MTMR12: variants seen among roughly 807,000 people sequenced by gnomAD.
MTMR12 encodes the protein myotubularin related protein 12.
In MTMR12, 33 loss-of-function variants were observed where a neutral mutation model predicts 96.7. The ratio of observed to expected loss-of-function variants is 0.34; its 90% CI spans 0.26 to 0.46. The LOEUF is 0.46. Ranked by LOEUF, MTMR12 falls within the 20% of genes least tolerant of loss-of-function variation. The pLI is 1.00. For missense variants in MTMR12, 721 were observed against 896.1 expected, an observed-to-expected ratio of 0.80 and a Z score of 2.49; for synonymous variants, 298 against 327.2, an observed-to-expected ratio of 0.91 and a Z score of 0.96.
At chr5:32,238,004 C>T (rs936090905) in intron 13 of MTMR12, among the ~76,000 whole-genome samples, 1 of 151,614 alleles carries the variant, frequency 6.6e-6, no homozygotes, top group African/African-American at 2.4e-5. Context: ...ATTCGCCAGG[C>T]ATGGTAGCGC....
rs761835955 is a variant in MTMR12, at chr5:32,233,890, G to A, written c.1557C>T (p.Leu519=). Residue 519 remains leucine (L), a synonymous_variant, in exon 15 of 16, where the codon CTC becomes CTT. Transcript: ENST00000382142. This position sits in a 1 kb window ranked among gnomAD's most constrained non-coding sequence, Gnocchi z 5.0. ...QDTQSKPLNL[L]TVWDWSVQFE... Reference sequence around the variant, plus strand: ...ACTGCACCGACCAATCCCACACGGTGAGCAGATTCAAAGGCTTGCTTTGTG... The same window carrying A: ...ACTGCACCGACCAATCCCACACGGTAAGCAGATTCAAAGGCTTGCTTTGTG... The A allele has an allele frequency of 6.2e-7, 1 of 1,614,184 alleles. No homozygotes were observed. The highest frequency in any genetic ancestry group is 8.5e-7 in the Non-Finnish European group (1 of 1,180,034).
At chr5:32,310,432 A>C (rs1260953656) in intron 1 of MTMR12, among the ~76,000 whole-genome samples, 3 of 152,256 alleles carry the variant, frequency 2.0e-5, no homozygotes, top group Non-Finnish European at 4.4e-5. Flanking sequence ...GAATAGATAA[A>C]GAAAATGTGG....
At chr5:32,252,805 G>C (rs1220465134) in intron 8 of MTMR12, among the ~76,000 whole-genome samples, 1 of 152,100 alleles carries the variant, frequency 6.6e-6, no homozygotes, top group Non-Finnish European at 1.5e-5. Context: ...TAAATATCTG[G>C]TTTAAGAGAA....
Position 32,229,838 on chromosome 5 carries a change from C to T in MTMR12, c.2184G>A (p.Leu728=). 22 of 1,594,530 alleles carry T rather than the reference C, an allele frequency of 1.4e-5. No homozygotes were observed. The highest frequency in any genetic ancestry group is 1.5e-5 in the Non-Finnish European group (18 of 1,170,940). ...GTTTGGCCAAATCGTCTTCATCTCC[C>T]AAAGCTTTCCAGCCACTGGTGGGTA... ...PVLPTSGWKA[L]GDEDDLAKRE... Residue 728 remains leucine, a synonymous_variant, in exon 16 of 16, where the codon TTG becomes TTA. Transcript: ENST00000382142.
chr5:32,233,652 A>T lies in MTMR12; in HGVS notation c.1674+121T>A, dbSNP rs903222832. The stretch of plus-strand genomic sequence containing the variant: ...TGACAATTTGACCATCACAAGTCTC[A>T]ACTCTGCAGACTGCTTCGAGGGGTA... On this transcript the variant is annotated intron_variant, in intron 15 of 15. Transcript: ENST00000382142. This position sits in a 1 kb window ranked among gnomAD's most constrained non-coding sequence, Gnocchi z 5.0. 1 of 1,372,880 alleles carries T rather than the reference A, an allele frequency of 7.3e-7. No homozygotes were observed. Among genetic ancestry groups the T allele is most frequent in the Admixed American group, 1.9e-5 (1 of 52,318 alleles). 85.0% of individuals were successfully genotyped at this position (1,372,880 alleles called of 1,614,324 possible).
Position 32,233,667 on chromosome 5 carries a change from T to G in MTMR12, c.1674+106A>C, listed in dbSNP as rs139641495. 1,673 of 1,487,726 alleles carry G rather than the reference T, an allele frequency of 1.1e-3. 3 individuals carry two copies. The highest frequency in any genetic ancestry group is 1.3e-3 in the Non-Finnish European group (1,377 of 1,081,488). The allele number at this position is 1,487,726 out of a possible 1,614,324, so 92.2% of individuals were successfully genotyped here. ...CACAAGTCTCAACTCTGCAGACTGC[T>G]TCGAGGGGTAGAAAATGCTGGCAGA... is the stretch of plus-strand genomic sequence containing the variant. On this transcript the variant is annotated intron_variant, in intron 15 of 15. Transcript: ENST00000382142. This position sits in a 1 kb window ranked among gnomAD's most constrained non-coding sequence, Gnocchi z 5.0.
intron 15 of MTMR12, 55 bp from the exon 16 acceptor site, chr5:32,230,402 C>G: frequency 1.4e-6 from 2 of 1,452,896 alleles, no homozygotes; most frequent in Non-Finnish European, 9.3e-7. Context: ...GCACAGTTAA[C>G]AGCTGTTACC....
At chr5:32,302,705 C>T (rs1430504880) in intron 1 of MTMR12, among the ~76,000 whole-genome samples, 1 of 144,500 alleles carries the variant, frequency 6.9e-6, no homozygotes, top group Non-Finnish European at 1.5e-5. Flanking sequence ...GCCCAGGCGA[C>T]AGAGCAAGAC....
At chr5:32,297,427 G>A (rs902342295) in intron 1 of MTMR12, among the ~76,000 whole-genome samples, 1 of 152,118 alleles carries the variant, frequency 6.6e-6, no homozygotes, top group East Asian at 1.9e-4. Flanking sequence ...CAAGTCTCCA[G>A]GGCAGGGGAA....
chr5:32,253,196 A>G (rs934162921), intron 8 of MTMR12, among the ~76,000 whole-genome samples: 1 of 152,184 alleles, frequency 6.6e-6, no homozygotes, highest in African/African-American at 2.4e-5. Flanking sequence ...ATATTCTACA[A>G]TAACAGCCCC....
chr5:32,271,951 T>TA (rs1749853005), intron 3 of MTMR12, 46 bp from the exon 4 acceptor site: 1 of 1,137,850 alleles, frequency 8.8e-7, no homozygotes, highest in East Asian at 2.6e-5. Context: ...TGCATACTGT[T>TA]AGACATTTAT....
chr5:32,263,216 T>C lies in MTMR12; in HGVS notation c.610A>G (p.Met204Val), dbSNP rs1412302348. The C allele has an allele frequency of 2.5e-6, 4 of 1,614,012 alleles. No homozygotes were observed. The highest frequency in any genetic ancestry group is 3.3e-5 in the Admixed American group (2 of 59,990). Residue 204 changes from methionine (M) to valine (V), a missense_variant, in exon 7 of 16, where the codon ATG becomes GTG. Met to Val is a conservative substitution (Grantham distance 21, BLOSUM62 1). Transcript: ENST00000382142. ...TVTDPKNHTV[M>V]FDTLKDWCWE... ...CACCAGTCCTTAAGTGTGTCAAACA[T>C]TACGGTATGGTTCTTGGGATCAGTG...
intron 7 of MTMR12, 122 bp downstream of exon 7, chr5:32,262,991 G>C: frequency 1.6e-6 from 2 of 1,276,646 alleles, no homozygotes; most frequent in Non-Finnish European, 2.1e-6. Context: ...TTCTTTTTGG[G>C]AGGATGAAAA....
At chr5:32,231,353 T>C (rs1329956017) in intron 15 of MTMR12, among the ~76,000 whole-genome samples, 1 of 130,206 alleles carries the variant, frequency 7.7e-6, no homozygotes, top group Non-Finnish European at 1.5e-5. Context: ...CACTCCAGCC[T>C]GGGCAATGAC....
At chr5:32,290,057 T>C (rs978931371) in intron 1 of MTMR12, among the ~76,000 whole-genome samples, 1 of 152,226 alleles carries the variant, frequency 6.6e-6, no homozygotes, top group African/African-American at 2.4e-5. Flanking sequence ...CTGTACCAAA[T>C]GTGGTTTCAT....
chr5:32,274,967 A>G (rs1162549720), intron 2 of MTMR12, among the ~76,000 whole-genome samples: 2 of 152,118 alleles, frequency 1.3e-5, no homozygotes, highest in Admixed American at 6.5e-5. Flanking sequence ...GGGGAAATGA[A>G]AAACTAAGTA....
intron 1 of MTMR12, among the ~76,000 whole-genome samples, chr5:32,285,491 A>G (rs1750500863): frequency 6.6e-6 from 1 of 151,766 alleles, no homozygotes; most frequent in Non-Finnish European, 1.5e-5. Context: ...TTCAACATTT[A>G]CTCCAATGTT....
intron 7 of MTMR12, among the ~76,000 whole-genome samples, chr5:32,256,383 C>A (rs1412563519): frequency 2.0e-5 from 3 of 152,190 alleles, no homozygotes; most frequent in African/African-American, 7.2e-5. Flanking sequence ...GAAACTGAGA[C>A]ACTATTCTGC....
At chr5:32,251,295 TG>T (rs1477095869) in intron 8 of MTMR12, among the ~76,000 whole-genome samples, 1 of 152,044 alleles carries the variant, frequency 6.6e-6, no homozygotes, top group Admixed American at 6.6e-5. Context: ...CCTCCCAAAG[TG>T]CTGGGATTAA....
Sources: gnomAD v4.1 joint callset for allele counts (sites outside exome capture counted in the v4.1 genomes callset) on GRCh38, gnomAD v4.1.1 for gene constraint, Gnocchi (gnomAD v3.1) non-coding constraint, MANE v1.5 for transcripts, NCBI Gene and HGNC (gene_info 2026-07-23, HGNC 2026-07-21) for gene names.